TMEM132B: variants seen among roughly 807,000 people sequenced by gnomAD.
TMEM132B encodes the protein transmembrane protein 132B.
Under a neutral mutation model 90.8 loss-of-function variants are expected in TMEM132B, and 18 were observed. The observed-to-expected ratio is 0.20, with a 90% CI of 0.14 to 0.29. The LOEUF (loss-of-function observed/expected upper bound fraction) is 0.29. Ranked by LOEUF, TMEM132B falls within the 10% of genes least tolerant of loss-of-function variation. TMEM132B has a pLI of 1.00. For missense variants in TMEM132B, 1,096 were observed against 1,326.8 expected, an observed-to-expected ratio of 0.83 and a Z score of 2.70; for synonymous variants, 504 against 523.3, an observed-to-expected ratio of 0.96 and a Z score of 0.50.
At chr12:125,187,261 C>T (rs1957765746) in intron 1 of TMEM132B, among the ~76,000 whole-genome samples, 1 of 152,190 alleles carries the variant, frequency 6.6e-6, no homozygotes, top group Admixed American at 6.5e-5. Flanking sequence ...CAGCCCTTCT[C>T]CAGTGTCTTG....
chr12:125,188,565 C>T (rs1381208839), intron 1 of TMEM132B, among the ~76,000 whole-genome samples: 3 of 148,560 alleles, frequency 2.0e-5, no homozygotes, highest in Non-Finnish European at 4.5e-5. Context: ...CCGCCCTCTC[C>T]CCCAGCAACA....
At chr12:125,506,627 T>C (rs1337971263) in intron 3 of TMEM132B, among the ~76,000 whole-genome samples, 5 of 152,202 alleles carry the variant, frequency 3.3e-5, no homozygotes, top group Non-Finnish European at 7.3e-5. Context: ...TGGGACATAA[T>C]TTTTGAAAAA....
chr12:125,258,395 C>G (rs1047712790), intron 1 of TMEM132B, among the ~76,000 whole-genome samples: 6 of 152,162 alleles, frequency 3.9e-5, no homozygotes, highest in Non-Finnish European at 7.3e-5. Context: ...GACTCAATAG[C>G]TAGGGGCAGG....
intron 5 of TMEM132B, chr12:125,587,775 A>G (rs929020009): frequency 2.6e-5 from 4 of 152,232 alleles, no homozygotes; most frequent in Non-Finnish European, 4.4e-5. Flanking sequence ...GCAACAAATG[A>G]TAGACTTCAC....
At chr12:125,320,321 A>T (rs1876395386) in intron 1 of TMEM132B, among the ~76,000 whole-genome samples, 1 of 152,208 alleles carries the variant, frequency 6.6e-6, no homozygotes, top group Non-Finnish European at 1.5e-5. Flanking sequence ...GCTAATTGTA[A>T]TCTTTATTTG....
At chr12:125,220,683 C>T (rs1002237405) in intron 1 of TMEM132B, among the ~76,000 whole-genome samples, 15 of 152,326 alleles carry the variant, frequency 9.8e-5, no homozygotes, top group South Asian at 4.1e-4. Flanking sequence ...ATCAGCAGGT[C>T]CTGGGGCTGC....
intron 1 of TMEM132B, among the ~76,000 whole-genome samples, chr12:125,210,454 A>G (rs1365879375): frequency 2.0e-5 from 3 of 152,132 alleles, no homozygotes; most frequent in African/African-American, 7.2e-5. Context: ...GCCCTGATTA[A>G]AATGGGGATG....
chr12:125,188,820 ACT>A (rs916982290), intron 1 of TMEM132B, among the ~76,000 whole-genome samples: 47 of 138,290 alleles, frequency 3.4e-4, no homozygotes, highest in African/African-American at 1.3e-3. Context: ...CAGTTTGATA[ACT>A]CTATATTTAG....
At chr12:125,206,186 C>T (rs941066258) in intron 1 of TMEM132B, among the ~76,000 whole-genome samples, 1 of 152,138 alleles carries the variant, frequency 6.6e-6, no homozygotes, top group African/African-American at 2.4e-5. Flanking sequence ...TCCTCAGAGG[C>T]ACCAGATGCC....
intron 5 of TMEM132B, among the ~76,000 whole-genome samples, chr12:125,607,618 A>G (rs1479953659): frequency 6.6e-6 from 1 of 152,262 alleles, no homozygotes; most frequent in East Asian, 1.9e-4. Context: ...AAATTAGCAT[A>G]TAAAATATGG....
chr12:125,555,688 A>G (rs1482617205), intron 4 of TMEM132B, among the ~76,000 whole-genome samples: 1 of 149,182 alleles, frequency 6.7e-6, no homozygotes, highest in Admixed American at 6.6e-5. Flanking sequence ...CGTTGTGCAC[A>G]TGTACCCTAG....
At chr12:125,597,572 TTGTA>T (rs1338762033) in intron 5 of TMEM132B, among the ~76,000 whole-genome samples, 1 of 152,246 alleles carries the variant, frequency 6.6e-6, no homozygotes, top group Non-Finnish European at 1.5e-5. Flanking sequence ...ACTGGGCTCA[TTGTA>T]TGTATTCAAA....
intron 1 of TMEM132B, among the ~76,000 whole-genome samples, chr12:125,314,862 C>T (rs900148910): frequency 6.6e-6 from 1 of 152,192 alleles, no homozygotes; most frequent in African/African-American, 2.4e-5. Context: ...CTCTGGTGGG[C>T]ACTGGCTGCC....
intron 1 of TMEM132B, among the ~76,000 whole-genome samples, chr12:125,345,854 C>T (rs544905630): frequency 1.4e-4 from 21 of 152,230 alleles, no homozygotes; most frequent in South Asian, 6.2e-4. Context: ...CCTCATTTCA[C>T]GTTCAGAACG....
intron 1 of TMEM132B, among the ~76,000 whole-genome samples, chr12:125,270,651 A>G (rs1192846980): frequency 2.0e-5 from 3 of 152,114 alleles, no homozygotes; most frequent in Non-Finnish European, 4.4e-5. Context: ...AGGACTGTTC[A>G]CCAAAGACAC....
intron 1 of TMEM132B, among the ~76,000 whole-genome samples, chr12:125,325,669 CTGTGTGTGTGTGTG>C (rs59220510): frequency 0.14 from 17,596 of 124,214 alleles, 1,180 homozygotes; most frequent in Middle Eastern, 0.18. Context: ...GCCTCCCACC[CTGTGTGTGTGTGTG>C]TGTGTGTGTG....
intron 1 of TMEM132B, among the ~76,000 whole-genome samples, chr12:125,207,307 A>T (rs577216009): frequency 3.3e-5 from 5 of 152,300 alleles, no homozygotes; most frequent in Admixed American, 6.5e-5. Flanking sequence ...CTCCACTGGC[A>T]TTTAGTTGAA....
intron 1 of TMEM132B, among the ~76,000 whole-genome samples, chr12:125,215,795 GC>G (rs1426058551): frequency 6.6e-6 from 1 of 152,224 alleles, no homozygotes; most frequent in Non-Finnish European, 1.5e-5. Flanking sequence ...ACCCGCCTTG[GC>G]CTCCCAAAGT....
chr12:125,404,005 G>C (rs899810721), intron 2 of TMEM132B, among the ~76,000 whole-genome samples: 1 of 152,072 alleles, frequency 6.6e-6, no homozygotes, highest in Non-Finnish European at 1.5e-5. Context: ...GTGAGATCTG[G>C]AGCTGCTGCA....
Sources: allele counts gnomAD v4.1 joint callset (sites outside exome capture counted in the v4.1 genomes callset), GRCh38; gene constraint gnomAD v4.1.1; transcripts MANE v1.5; gene names NCBI Gene and HGNC (gene_info 2026-07-23, HGNC 2026-07-21).